B3GALT1: variants seen among roughly 807,000 people sequenced by gnomAD.
The protein encoded by B3GALT1 is beta-1,3-galactosyltransferase 1.
A neutral mutation model predicts 23.2 loss-of-function variants in B3GALT1; 10 were observed. That is an observed-to-expected ratio of 0.43 (90% confidence interval 0.27 to 0.73). The LOEUF (loss-of-function observed/expected upper bound fraction) is 0.73, where lower values mean the gene tolerates loss of function less well. Ranked by LOEUF, B3GALT1 falls within the 30% of genes least tolerant of loss-of-function variation. The probability of loss-of-function intolerance (pLI) is 0.21; values close to 1 mark genes in which losing one functional copy is unlikely to be tolerated. For missense variants in B3GALT1, 299 were observed against 405.4 expected (o/e 0.74, Z 2.25); for synonymous variants, 156 against 141.5 (o/e 1.10, Z -0.73).
intron 3 of B3GALT1, among the ~76,000 whole-genome samples, chr2:167,704,899 G>A (rs143434252): frequency 2.0e-5 from 3 of 152,128 alleles, no homozygotes; most frequent in African/African-American, 7.2e-5. Flanking sequence ...TTTTTAAAAA[G>A]CATTGATTTT....
intron 1 of B3GALT1, among the ~76,000 whole-genome samples, chr2:167,464,444 T>A (rs530290552): frequency 6.6e-6 from 1 of 152,198 alleles, no homozygotes; most frequent in African/African-American, 2.4e-5. Flanking sequence ...ACTGAAAGTT[T>A]CATGACATTC....
intron 3 of B3GALT1, among the ~76,000 whole-genome samples, chr2:167,659,708 A>T (rs62194960): frequency 0.034 from 5,111 of 152,112 alleles, 185 homozygotes; most frequent in East Asian, 0.12. Flanking sequence ...ATATTTCTTT[A>T]ATCTCTCGTG....
chr2:167,498,809 A>C (rs945435675), intron 2 of B3GALT1, among the ~76,000 whole-genome samples: 1 of 152,104 alleles, frequency 6.6e-6, no homozygotes, highest in Non-Finnish European at 1.5e-5. Flanking sequence ...GATCCCCATC[A>C]TGCTGCCCCT....
chr2:167,407,376 A>G lies in B3GALT1; in HGVS notation c.-510-82801A>G, dbSNP rs930724544. Among the ~76,000 whole-genome samples, 14 of 152,268 alleles carry G rather than the reference A, an allele frequency of 9.2e-5. No individual in the cohort carries two copies. In the South Asian group the frequency reaches 2.3e-3, roughly 25 times the overall value. ...GCGAAGTTGATAGCAATAAATGCCT[A>G]TATCAAAAAAGTAAAAAGACTTTAA... On this transcript the variant is annotated intron_variant, in intron 1 of 4. Transcript: ENST00000392690.
chr2:167,374,252 T>A (rs534281322), intron 1 of B3GALT1, among the ~76,000 whole-genome samples: 1 of 152,360 alleles, frequency 6.6e-6, no homozygotes, highest in South Asian at 2.1e-4. Flanking sequence ...ATTGTCTTTA[T>A]CCAGTCCACC....
chr2:167,330,596 C>A (rs890741660), intron 1 of B3GALT1, among the ~76,000 whole-genome samples: 7 of 152,226 alleles, frequency 4.6e-5, no homozygotes, highest in African/African-American at 1.4e-4. Context: ...AGCGACAGAG[C>A]GCGACCCAGC....
chr2:167,616,781 G>A (rs1255438845), intron 2 of B3GALT1, among the ~76,000 whole-genome samples: 4 of 151,998 alleles, frequency 2.6e-5, no homozygotes, highest in African/African-American at 9.7e-5. Context: ...ATTTCTCCCT[G>A]TAAACTTTCT....
intron 3 of B3GALT1, among the ~76,000 whole-genome samples, chr2:167,757,038 G>A (rs1449324867): frequency 6.6e-6 from 1 of 152,152 alleles, no homozygotes; most frequent in Non-Finnish European, 1.5e-5. Context: ...TTTGGGACAA[G>A]TTACTTATTC....
intron 1 of B3GALT1, among the ~76,000 whole-genome samples, chr2:167,301,393 A>G (rs1200881534): frequency 6.6e-6 from 1 of 152,180 alleles, no homozygotes; most frequent in Admixed American, 6.6e-5. Context: ...CAGCATCAGT[A>G]CTTTTTCTGA....
At chr2:167,787,604 T>G (rs1316899295) in intron 3 of B3GALT1, among the ~76,000 whole-genome samples, 1 of 152,216 alleles carries the variant, frequency 6.6e-6, no homozygotes, top group African/African-American at 2.4e-5. Context: ...CATCACATTT[T>G]CAAGAGAGGT....
chr2:167,677,893 A>G lies in B3GALT1; in HGVS notation c.-352+30927A>G, dbSNP rs74832300. ...GTGGCAGGAGAAAGAAGTACAGAGT[A>G]AAGGTGAGAAAAGCCCCTTATAAAA... On this transcript the variant is annotated intron_variant, in intron 3 of 4. Coordinates refer to ENST00000392690, the MANE Select transcript of B3GALT1 (RefSeq NM_020981.4). Among the ~76,000 whole-genome samples the G allele has an allele frequency of 4.3e-3, 651 of 152,318 alleles. 5 individuals carry two copies. The highest frequency in any genetic ancestry group is 0.015 in the African/African-American group (630 of 41,562).
chr2:167,507,504 CAAAAAAAAAAA>C (rs60408245), intron 2 of B3GALT1, among the ~76,000 whole-genome samples: 2 of 26,636 alleles, frequency 7.5e-5, no homozygotes, highest in Non-Finnish European at 1.0e-4. Context: ...GACTCCGTCT[CAAAAAAAAAAA>C]AAAAAAAAAA....
chr2:167,676,436 C>T (rs2105488373), intron 3 of B3GALT1, among the ~76,000 whole-genome samples: 1 of 151,474 alleles, frequency 6.6e-6, no homozygotes, highest in Middle Eastern at 3.4e-3. Flanking sequence ...TGAGAGAACG[C>T]CTTGAATTTT....
chr2:167,505,165 G>A (rs960207842), intron 2 of B3GALT1, among the ~76,000 whole-genome samples: 3 of 152,126 alleles, frequency 2.0e-5, no homozygotes, highest in Admixed American at 6.6e-5. Flanking sequence ...ACAATGGGCT[G>A]GTTATGCTGG....
intron 1 of B3GALT1, among the ~76,000 whole-genome samples, chr2:167,457,909 A>G (rs1192151072): frequency 6.6e-6 from 1 of 152,216 alleles, no homozygotes; most frequent in Admixed American, 6.5e-5. Flanking sequence ...AACACTACAG[A>G]AGATTCTGTA....
intron 1 of B3GALT1, among the ~76,000 whole-genome samples, chr2:167,343,361 C>G (rs1404745156): frequency 2.6e-5 from 4 of 152,114 alleles, no homozygotes; most frequent in African/African-American, 9.7e-5. Context: ...AGCAATTTAT[C>G]ACTATGAATA....
intron 1 of B3GALT1, among the ~76,000 whole-genome samples, chr2:167,374,646 G>A (rs1697735805): frequency 6.6e-6 from 1 of 152,114 alleles, no homozygotes; most frequent in African/African-American, 2.4e-5. Context: ...TTGGCTGCTT[G>A]TGTGTCTTCT....
Position 167,872,524 on chromosome 2 carries a change from C to G in B3GALT1, c.*2504C>G, listed in dbSNP as rs921593737. ...AATCACTGGGAAAGTCTCACGACTT[C>G]TTACTTGGTTTACCTTCGAGTTGTG... On this transcript the variant is annotated 3_prime_UTR_variant, in exon 5 of 5. Transcript: ENST00000392690. The G allele has an allele frequency of 6.6e-6, 1 of 152,246 alleles. No individual in the cohort carries two copies. The highest frequency in any genetic ancestry group is 2.4e-5 in the African/African-American group (1 of 41,466). 9.4% of individuals were successfully genotyped at this position (152,246 alleles called of 1,614,324 possible).
intron 2 of B3GALT1, among the ~76,000 whole-genome samples, chr2:167,496,919 A>G (rs1188866631): frequency 6.6e-6 from 1 of 152,202 alleles, no homozygotes; most frequent in Non-Finnish European, 1.5e-5. Flanking sequence ...TCCAGCCTCC[A>G]GCACTGTAGA....
Sources: gnomAD v4.1 joint callset for allele counts (sites outside exome capture counted in the v4.1 genomes callset) on GRCh38, gnomAD v4.1.1 for gene constraint, MANE v1.5 for transcripts, NCBI Gene and HGNC (gene_info 2026-07-23, HGNC 2026-07-21) for gene names.